SPAM1: variants seen among roughly 807,000 people sequenced by gnomAD.
The protein encoded by SPAM1 is hyaluronidase PH-20.
Under a neutral mutation model 29.6 loss-of-function variants are expected in SPAM1, and 22 were observed. The ratio of observed to expected loss-of-function variants is 0.74; its 90% confidence interval spans 0.53 to 1.06. The LOEUF (loss-of-function observed/expected upper bound fraction) is 1.06. Among genes scored for constraint, SPAM1 ranks in the 50% least tolerant of loss-of-function variants. The probability of loss-of-function intolerance (pLI) is 0.00; values close to 1 mark genes in which losing one functional copy is unlikely to be tolerated. For synonymous variants in SPAM1, 194 were observed against 204.6 expected (o/e 0.95, Z 0.44); for missense variants, 534 against 604.0 (o/e 0.88, Z 1.21).
intron 1 of SPAM1, among the ~76,000 whole-genome samples, chr7:123,942,554 A>T (rs1455690426): frequency 2.6e-5 from 4 of 152,158 alleles, no homozygotes; most frequent in African/African-American, 4.8e-5. Flanking sequence ...TTTCTTTTTT[A>T]AAAAATTGGC....
At position 123,957,985 on chromosome 7, in the gene SPAM1, A is replaced by G. The variant is rs894246923; in HGVS notation, c.1045-1499A>G. On this transcript the variant is annotated intron_variant, in intron 4 of 4. Coordinates refer to ENST00000682466, the MANE Select transcript of SPAM1 (RefSeq NM_153189.3). Reference sequence around the variant, plus strand: ...GGACTCATGTAATTACATTGAGTCCATCTTGATAATTCAGGATAATCTCCC... The same window carrying G: ...GGACTCATGTAATTACATTGAGTCCGTCTTGATAATTCAGGATAATCTCCC... Among the ~76,000 whole-genome samples, 4 of 152,156 alleles carry G rather than the reference A, an allele frequency of 2.6e-5. No individual in the cohort carries two copies. In the South Asian group the frequency reaches 6.2e-4, roughly 24 times the overall value.
intron 1 of SPAM1, among the ~76,000 whole-genome samples, chr7:123,937,346 A>T (rs756201617): frequency 3.7e-4 from 56 of 152,150 alleles, no homozygotes; most frequent in Non-Finnish European, 6.0e-4. Context: ...TCACGCCTGT[A>T]ATCCCAGCAT....
intron 1 of SPAM1, among the ~76,000 whole-genome samples, chr7:123,945,029 T>C (rs1416017015): frequency 1.3e-5 from 2 of 152,088 alleles, no homozygotes; most frequent in African/African-American, 4.8e-5. Context: ...TTATTATGAC[T>C]TACACAGACA....
At chr7:123,952,126 G>A (rs1455585548) in intron 2 of SPAM1, among the ~76,000 whole-genome samples, 2 of 152,054 alleles carry the variant, frequency 1.3e-5, no homozygotes, top group Non-Finnish European at 2.9e-5. Context: ...TATTTTAGGT[G>A]AAGATTATCT....
chr7:123,953,335 A>G (rs1037201572), intron 2 of SPAM1, 30 bp from the exon 3 acceptor site: 9 of 399,624 alleles, frequency 2.3e-5, no homozygotes, highest in African/African-American at 1.9e-4. Flanking sequence ...GAAATGCATC[A>G]TAACAATGTA....
chr7:123,961,837 C>G (rs1193882592), downstream of SPAM1, among the ~76,000 whole-genome samples: 1 of 151,928 alleles, frequency 6.6e-6, no homozygotes. Flanking sequence ...AAGGCGAAAG[C>G]CACTTCTTAC....
At chr7:123,964,976 T>A (rs1191683285), downstream of SPAM1, among the ~76,000 whole-genome samples, 1 of 151,962 alleles carries the variant, frequency 6.6e-6, no homozygotes, top group Non-Finnish European at 1.5e-5. Context: ...AAATTGTTAA[T>A]CACCACTTCA....
rs201663309 is a variant in SPAM1 at position 123,954,004 on chromosome 7, T to C, written c.434T>C (p.Ile145Thr). 73 of 1,613,612 alleles carry C rather than the reference T, an allele frequency of 4.5e-5. No homozygotes were observed. Among genetic ancestry groups the C allele is most frequent in the Non-Finnish European group, 5.3e-5 (63 of 1,179,822 alleles). The change falls in exon 3 of 5, where the codon ATT (isoleucine) becomes ACT (threonine). Residue 145 changes from isoleucine (I) to threonine (T), a missense_variant. By Grantham distance (89) the Ile-to-Thr change is moderately conservative. Transcript: ENST00000682466. ...GTAGACAATTTGGGAATGGCTGTTA[T>C]TGACTGGGAAGAATGGAGACCCACT... ...MPVDNLGMAVIDWEEWRPTWA... is the reference protein window; with the variant it reads ...MPVDNLGMAVTDWEEWRPTWA...
chr7:123,927,485 G>C (rs957114712), intron 1 of SPAM1, among the ~76,000 whole-genome samples: 21 of 152,182 alleles, frequency 1.4e-4, no homozygotes, highest in Non-Finnish European at 2.9e-5. Flanking sequence ...ATAGCTAGCT[G>C]TCCCTAGGAA....
intron 1 of SPAM1, among the ~76,000 whole-genome samples, chr7:123,931,022 C>G (rs896154205): frequency 1.3e-5 from 2 of 152,104 alleles, no homozygotes; most frequent in Non-Finnish European, 2.9e-5. Context: ...AGTCACTACT[C>G]TCAACTGCGT....
intron 1 of SPAM1, among the ~76,000 whole-genome samples, chr7:123,930,486 A>G (rs182908135): frequency 2.0e-3 from 305 of 152,316 alleles, no homozygotes; most frequent in African/African-American, 6.9e-3. Flanking sequence ...CTAAGAAAGC[A>G]AAGACTCTCA....
chr7:123,958,652 A>T (rs1792297527), intron 4 of SPAM1, among the ~76,000 whole-genome samples: 1 of 151,794 alleles, frequency 6.6e-6, no homozygotes, highest in Non-Finnish European at 1.5e-5. Flanking sequence ...ACATAGTAAG[A>T]CCTCACTTCT....
At chr7:123,946,311 A>G (rs1308296304) in intron 1 of SPAM1, among the ~76,000 whole-genome samples, 1 of 152,110 alleles carries the variant, frequency 6.6e-6, no homozygotes, top group African/African-American at 2.4e-5. Flanking sequence ...CTCTGGAGGG[A>G]GGGAAGCTTC....
rs1792323890 is a variant in SPAM1, at chr7:123,959,636, C to G, written c.1197C>G (p.His399Gln). 1.9e-6 allele frequency: 3 copies of G among 1,613,268 alleles called. No homozygotes were observed. The highest frequency in any genetic ancestry group is 2.5e-6 in the Non-Finnish European group (3 of 1,179,564). Residue 399 changes from histidine to glutamine, a missense_variant, in exon 5 of 5, where the codon CAC (histidine) becomes CAG (glutamine). Coordinates refer to ENST00000682466, the MANE Select transcript of SPAM1 (RefSeq NM_153189.3). ...RKNWNSSDYL[H>Q]LNPDNFAIQL... ...ACTGGAATTCAAGTGACTATCTTCA[C>G]CTCAACCCAGATAATTTTGCTATTC...
Position 123,959,516 on chromosome 7 carries a change from G to C in SPAM1, c.1077G>C (p.Glu359Asp). ...GCTTGCTCCTAGACAATTACATGGA[G>C]ACTATACTGAATCCTTACATAATCA... Reference protein sequence around the residue: ...KSCLLLDNYMETILNPYIINV... With the variant: ...KSCLLLDNYMDTILNPYIINV... Residue 359 changes from glutamate (E) to aspartate (D), a missense_variant, in exon 5 of 5, where the codon GAG (glutamate) becomes GAC (aspartate). Transcript: ENST00000682466. 3 of 1,611,896 alleles carry C rather than the reference G, an allele frequency of 1.9e-6. No individual in the cohort carries two copies. The highest frequency in any genetic ancestry group is 2.5e-6 in the Non-Finnish European group (3 of 1,178,908).
chr7:123,954,539 G>A lies in SPAM1; in HGVS notation c.954+15G>A. ...TCCTTTCTCAAGTAAGTAAATCAGG[G>A]TATGAGGGCTAGGAAATGAAATTCA... On this transcript the variant is annotated intron_variant, in intron 3 of 4. Coordinates refer to ENST00000682466, the MANE Select transcript of SPAM1 (RefSeq NM_153189.3). The A allele has an allele frequency of 6.7e-7, 1 of 1,491,988 alleles. No individual in the cohort carries two copies. The highest frequency in any genetic ancestry group is 9.2e-7 in the Non-Finnish European group (1 of 1,086,950). The allele number at this position is 1,491,988 out of a possible 1,614,324, so 92.4% of individuals were successfully genotyped here.
intron 1 of SPAM1, among the ~76,000 whole-genome samples, chr7:123,942,208 GA>G (rs1808452202): frequency 1.3e-5 from 2 of 152,194 alleles, no homozygotes; most frequent in South Asian, 4.1e-4. Context: ...AGGAATAGAA[GA>G]AAAAATTTAA....
intron 1 of SPAM1, among the ~76,000 whole-genome samples, chr7:123,929,065 G>A (rs1348026947): frequency 6.6e-6 from 1 of 152,132 alleles, no homozygotes; most frequent in African/African-American, 2.4e-5. Context: ...AGCTACTTTG[G>A]ATTTGCTTCC....
chr7:123,933,216 C>G (rs893886613), intron 1 of SPAM1, among the ~76,000 whole-genome samples: 5 of 151,900 alleles, frequency 3.3e-5, no homozygotes, highest in Non-Finnish European at 5.9e-5. Context: ...TGCTCTCCCC[C>G]TCCTTGCCCC....
Sources: allele counts gnomAD v4.1 joint callset (sites outside exome capture counted in the v4.1 genomes callset), GRCh38; gene constraint gnomAD v4.1.1; transcripts MANE v1.5; gene names NCBI Gene and HGNC (gene_info 2026-07-23, HGNC 2026-07-21).